The following ATP8A2 variants were observed in gnomAD, a reference collection of about 807,000 sequenced individuals.
The protein encoded by ATP8A2 is phospholipid-transporting ATPase IB.
A neutral mutation model predicts 165.6 loss-of-function variants in ATP8A2; 100 were observed. The observed-to-expected ratio is 0.60, with a 90% CI of 0.51 to 0.71. The LOEUF is 0.71. Among genes scored for constraint, ATP8A2 ranks in the 30% least tolerant of loss-of-function variants. ATP8A2 has a pLI of 0.00. For missense variants in ATP8A2, 1,227 were observed against 1,479.5 expected, an observed-to-expected ratio of 0.83 and a Z score of 2.80; for synonymous variants, 543 against 548.8, an observed-to-expected ratio of 0.99 and a Z score of 0.15.
intron 27 of ATP8A2, among the ~76,000 whole-genome samples, chr13:25,826,329 G>A (rs1951312210): frequency 6.6e-6 from 1 of 152,194 alleles, no homozygotes; most frequent in Admixed American, 6.5e-5. Flanking sequence ...GGATTTAGGA[G>A]GGAGCCCTAG....
intron 2 of ATP8A2, among the ~76,000 whole-genome samples, chr13:25,504,040 G>A (rs2036943346): frequency 6.6e-6 from 1 of 152,202 alleles, no homozygotes; most frequent in Admixed American, 6.5e-5. Context: ...ATTCTGTCAT[G>A]CGCATGGGTA....
intron 33 of ATP8A2, among the ~76,000 whole-genome samples, chr13:25,898,441 G>A (rs1348384047): frequency 6.6e-6 from 1 of 152,200 alleles, no homozygotes; most frequent in Non-Finnish European, 1.5e-5. Context: ...CCCCTACTGG[G>A]GGGTGCCTCC....
chr13:25,448,645 C>G (rs978627607), intron 1 of ATP8A2, among the ~76,000 whole-genome samples: 3 of 151,898 alleles, frequency 2.0e-5, no homozygotes. Context: ...TAATAAGGCT[C>G]TTTTTATTTT....
At chr13:25,809,100 C>T (rs1950805787) in intron 27 of ATP8A2, among the ~76,000 whole-genome samples, 1 of 152,222 alleles carries the variant, frequency 6.6e-6, no homozygotes, top group Non-Finnish European at 1.5e-5. Context: ...ATAATATTAG[C>T]TTAAAATTAT....
chr13:26,012,518 G>T lies in ATP8A2; in HGVS notation c.3378-13G>T. 1 of 1,538,916 alleles carries T rather than the reference G, an allele frequency of 6.5e-7. No individual in the cohort carries two copies. Among genetic ancestry groups the T allele is most frequent in the Non-Finnish European group, 8.8e-7 (1 of 1,141,158 alleles). On this transcript the variant is annotated splice_polypyrimidine_tract_variant and intron_variant, in intron 35 of 36. Transcript: ENST00000381655. ...CAGGTGACAAGAGACTGACGCGCTTGCTTTATCCGCAGGCTGAACGAGCGC... is the reference window on the plus strand; with the variant it reads ...CAGGTGACAAGAGACTGACGCGCTTTCTTTATCCGCAGGCTGAACGAGCGC...
intron 1 of ATP8A2, among the ~76,000 whole-genome samples, chr13:25,428,858 G>A (rs61001408): frequency 0.015 from 2,335 of 152,278 alleles, 61 homozygotes; most frequent in African/African-American, 0.053. Context: ...GCACAGAGGC[G>A]TGATGGCCTC....
At chr13:25,688,621 A>G (rs1216881060) in intron 24 of ATP8A2, among the ~76,000 whole-genome samples, 1 of 152,216 alleles carries the variant, frequency 6.6e-6, no homozygotes, top group Non-Finnish European at 1.5e-5. Flanking sequence ...TGAGCATGAG[A>G]TATTTTCCTG....
At chr13:25,792,495 G>T (rs1255068352) in intron 27 of ATP8A2, among the ~76,000 whole-genome samples, 3 of 151,900 alleles carry the variant, frequency 2.0e-5, no homozygotes, top group African/African-American at 7.3e-5. Flanking sequence ...AATTAATAGA[G>T]ACTCACTAAG....
At chr13:25,864,456 G>A (rs1952448241) in intron 33 of ATP8A2, among the ~76,000 whole-genome samples, 1 of 152,040 alleles carries the variant, frequency 6.6e-6, no homozygotes, top group Admixed American at 6.6e-5. Flanking sequence ...CAGCTACTAA[G>A]GTGCCGACAT....
chr13:25,677,944 G>A (rs9553645), intron 24 of ATP8A2, among the ~76,000 whole-genome samples: 19,392 of 152,108 alleles, frequency 0.13, 1,406 homozygotes, highest in Admixed American at 0.2. Context: ...AATGAGAGGG[G>A]GTGGGGGATA....
chr13:25,491,585 A>G (rs185049164), intron 2 of ATP8A2, among the ~76,000 whole-genome samples: 271 of 152,322 alleles, frequency 1.8e-3, no homozygotes, highest in Non-Finnish European at 3.1e-3. Context: ...AAACACTAAG[A>G]AAGTAGAACT....
intron 24 of ATP8A2, among the ~76,000 whole-genome samples, chr13:25,640,981 T>G (rs1042817397): frequency 1.3e-5 from 2 of 152,184 alleles, no homozygotes; most frequent in African/African-American, 2.4e-5. Flanking sequence ...ATCCAGCATA[T>G]AAACAGAACC....
chr13:25,909,886 G>T (rs1457226381), intron 33 of ATP8A2, among the ~76,000 whole-genome samples: 1 of 152,128 alleles, frequency 6.6e-6, no homozygotes, highest in Non-Finnish European at 1.5e-5. Context: ...CCATACAGGT[G>T]CAATCATACA....
chr13:25,652,999 A>T (rs1000180531), intron 24 of ATP8A2, among the ~76,000 whole-genome samples: 97 of 152,308 alleles, frequency 6.4e-4, no homozygotes, highest in African/African-American at 2.2e-3. Flanking sequence ...TGTGTACTTC[A>T]TCACAATCTA....
chr13:25,614,967 TGGCCTCCA>T (rs1406558307), intron 24 of ATP8A2, among the ~76,000 whole-genome samples: 1 of 152,214 alleles, frequency 6.6e-6, no homozygotes, highest in Non-Finnish European at 1.5e-5. Context: ...GTGCACTTGT[TGGCCTCCA>T]GCCAGGAGGT....
intron 24 of ATP8A2, among the ~76,000 whole-genome samples, chr13:25,677,137 G>A (rs2042388940): frequency 6.6e-6 from 1 of 152,136 alleles, no homozygotes; most frequent in Admixed American, 6.6e-5. Context: ...TGTGGCATCA[G>A]CTTAGTCTAG....
intron 36 of ATP8A2, 88 bp downstream of exon 36, chr13:26,012,710 G>A: frequency 1.8e-6 from 1 of 569,820 alleles, no homozygotes; most frequent in Non-Finnish European, 2.6e-6. Flanking sequence ...GGCGCTGATG[G>A]GGGGCCGGGT....
intron 26 of ATP8A2, among the ~76,000 whole-genome samples, chr13:25,772,961 C>T (rs1339415316): frequency 6.6e-6 from 1 of 151,944 alleles, no homozygotes; most frequent in Non-Finnish European, 1.5e-5. Context: ...CGTTTCACCA[C>T]GTTGGCCAGA....
chr13:25,621,601 A>G lies in ATP8A2; in HGVS notation c.2211+31902A>G, dbSNP rs149485937. On this transcript the variant is annotated intron_variant, in intron 24 of 36. Coordinates refer to ENST00000381655, the MANE Select transcript of ATP8A2 (RefSeq NM_016529.6). Reference sequence around the variant, plus strand: ...CTCCAGCTAATGCTGACATTTACCAAATCCAGTCCTGATTAAGTAAGCTTC... The same window carrying G: ...CTCCAGCTAATGCTGACATTTACCAGATCCAGTCCTGATTAAGTAAGCTTC... 2.5e-3 allele frequency among the ~76,000 whole-genome samples: 377 copies of G among 152,254 alleles called. 1 individual carries two copies. The highest frequency in any genetic ancestry group is 8.5e-3 in the African/African-American group (355 of 41,560).
Sources: gnomAD v4.1 joint callset for allele counts (sites outside exome capture counted in the v4.1 genomes callset) on GRCh38, gnomAD v4.1.1 for gene constraint, MANE v1.5 for transcripts, NCBI Gene and HGNC (gene_info 2026-07-23, HGNC 2026-07-21) for gene names.